The following ERBB4 variants were observed in gnomAD, a reference collection of about 807,000 sequenced individuals.
The protein encoded by ERBB4 is receptor tyrosine-protein kinase erbB-4.
A neutral mutation model predicts 158.0 loss-of-function variants in ERBB4; 42 were observed. That is an observed-to-expected ratio of 0.27 (90% CI 0.21 to 0.34). The LOEUF (loss-of-function observed/expected upper bound fraction) is 0.34. Among genes scored for constraint, ERBB4 ranks in the 10% least tolerant of loss-of-function variants. The probability of loss-of-function intolerance (pLI) is 1.00; values close to 1 mark genes in which losing one functional copy is unlikely to be tolerated. For synonymous variants in ERBB4, 583 were observed against 558.7 expected, an observed-to-expected ratio of 1.04 and a Z score of -0.61; for missense variants, 1,333 against 1,624.1, an observed-to-expected ratio of 0.82 and a Z score of 3.08.
intron 2 of ERBB4, among the ~76,000 whole-genome samples, chr2:212,012,969 C>A (rs1183763561): frequency 6.6e-6 from 1 of 151,884 alleles, no homozygotes; most frequent in Non-Finnish European, 1.5e-5. Flanking sequence ...GGTCTCCAAG[C>A]CCTGGGCTCA....
chr2:212,167,630 T>G (rs1031389827), intron 1 of ERBB4, among the ~76,000 whole-genome samples: 2 of 152,098 alleles, frequency 1.3e-5, no homozygotes, highest in Non-Finnish European at 2.9e-5. Context: ...ACTGTAAAGA[T>G]GCATGCATGC....
At chr2:212,349,164 A>G (rs2089144194) in intron 1 of ERBB4, among the ~76,000 whole-genome samples, 1 of 152,132 alleles carries the variant, frequency 6.6e-6, no homozygotes, top group Admixed American at 6.6e-5. Context: ...ATTTTTTAGA[A>G]TAGAAGAGTT....
intron 1 of ERBB4, among the ~76,000 whole-genome samples, chr2:212,513,811 C>CAAAA (rs1228489280): frequency 6.9e-6 from 1 of 144,526 alleles, no homozygotes; most frequent in African/African-American, 2.9e-5. Flanking sequence ...GACTCCGTCT[C>CAAAA]AAAAAATAAA....
intron 1 of ERBB4, among the ~76,000 whole-genome samples, chr2:212,195,816 C>T (rs1256693411): frequency 6.6e-6 from 1 of 151,970 alleles, no homozygotes; most frequent in Non-Finnish European, 1.5e-5. Context: ...TTAAACAGAC[C>T]AGAACCAAGG....
At chr2:211,833,202 T>C (rs976601455) in intron 3 of ERBB4, among the ~76,000 whole-genome samples, 1 of 152,128 alleles carries the variant, frequency 6.6e-6, no homozygotes, top group East Asian at 1.9e-4. Flanking sequence ...AAGTATCATA[T>C]GGTTTTTCAA....
chr2:212,076,604 G>C (rs756925630), intron 2 of ERBB4, among the ~76,000 whole-genome samples: 16 of 151,704 alleles, frequency 1.1e-4, no homozygotes, highest in Non-Finnish European at 2.2e-4. Context: ...TTTTAAAAAG[G>C]AAGTGCAATA....
chr2:212,344,548 C>A (rs368432991), intron 1 of ERBB4, among the ~76,000 whole-genome samples: 1 of 151,400 alleles, frequency 6.6e-6, no homozygotes, highest in South Asian at 2.1e-4. Context: ...ACACACATAG[C>A]GAAGTATAAG....
chr2:211,513,377 CAAAAA>C (rs1167274491), intron 20 of ERBB4, among the ~76,000 whole-genome samples: 17 of 55,800 alleles, frequency 3.0e-4, no homozygotes, highest in South Asian at 1.4e-3. Flanking sequence ...AAAAAAAAAA[CAAAAA>C]AAAAACACTG....
At chr2:211,543,068 C>A (rs2066854959) in intron 20 of ERBB4, among the ~76,000 whole-genome samples, 1 of 152,052 alleles carries the variant, frequency 6.6e-6, no homozygotes, top group Admixed American at 6.6e-5. Flanking sequence ...TCCAATGTAG[C>A]AATTTCTGTT....
chr2:211,667,085 C>T (rs369366220), intron 14 of ERBB4, among the ~76,000 whole-genome samples: 13 of 145,784 alleles, frequency 8.9e-5, no homozygotes, highest in African/African-American at 3.5e-4. Flanking sequence ...ACTAATGACA[C>T]CTGATGAGCC....
intron 1 of ERBB4, among the ~76,000 whole-genome samples, chr2:212,314,846 C>A (rs957328830): frequency 1.3e-5 from 2 of 151,246 alleles, no homozygotes; most frequent in African/African-American, 4.8e-5. Context: ...AACATTATTT[C>A]TTTCATTACT....
intron 19 of ERBB4, among the ~76,000 whole-genome samples, chr2:211,580,875 A>ATTTAG (rs1559317707): frequency 0.045 from 54 of 1,202 alleles, 2 homozygotes; most frequent in African/African-American, 0.089. Context: ...ACATATATAT[A>ATTTAG]TATATATATA....
intron 2 of ERBB4, among the ~76,000 whole-genome samples, chr2:211,962,853 C>T (rs2081215525): frequency 6.6e-6 from 1 of 152,022 alleles, no homozygotes; most frequent in South Asian, 2.1e-4. Flanking sequence ...TTAAAAAAAC[C>T]AGTATAAGGA....
chr2:212,538,593 G>A lies in ERBB4; in HGVS notation c.-63C>T. On this transcript the variant is annotated 5_prime_UTR_variant, in exon 1 of 28. Coordinates refer to ENST00000342788, the MANE Select transcript of ERBB4 (RefSeq NM_005235.3). ...GTCCAAATGGCATATCCCCCTTTCGGGCACGCGGAGGAGATCCCCCAGCCG... is the reference window on the plus strand; with the variant it reads ...GTCCAAATGGCATATCCCCCTTTCGAGCACGCGGAGGAGATCCCCCAGCCG... 1.3e-6 allele frequency: 2 copies of A among 1,505,276 alleles called. No homozygotes were observed. The allele number at this position is 1,505,276 out of a possible 1,614,324, so 93.2% of individuals were successfully genotyped here. A position where few individuals can be genotyped will look rare whatever the true frequency, so the allele number is the denominator to read the frequency against.
intron 2 of ERBB4, among the ~76,000 whole-genome samples, chr2:212,003,389 G>C (rs1402714): frequency 0.82 from 123,124 of 150,594 alleles, 51,999 homozygotes; most frequent in Non-Finnish European, 0.94. Context: ...GCGTTTTTTC[G>C]TATAACTCAA....
At chr2:212,400,491 T>C (rs1446843890) in intron 1 of ERBB4, among the ~76,000 whole-genome samples, 1 of 152,196 alleles carries the variant, frequency 6.6e-6, no homozygotes, top group African/African-American at 2.4e-5. Context: ...AAATCAGTGA[T>C]CACTAAAATT....
intron 2 of ERBB4, among the ~76,000 whole-genome samples, chr2:212,072,088 T>A (rs1219718870): frequency 6.6e-6 from 1 of 152,004 alleles, no homozygotes; most frequent in Non-Finnish European, 1.5e-5. Flanking sequence ...GCTCCAAATG[T>A]TGCTTTGTCC....
At position 211,598,162 on chromosome 2, in the gene ERBB4, T is replaced by C. The variant is rs576114413; in HGVS notation, c.2301+21015A>G. Among the ~76,000 whole-genome samples the C allele has an allele frequency of 3.3e-5, 5 of 152,120 alleles. No individual in the cohort carries two copies. The South Asian group carries it at 8.3e-4, about 25-fold the overall frequency. ...GCTTTAGACCACGCATCTCTCCACG[T>C]CCTCCTCCTGTCCCCTGTCCTTTCA... is the stretch of plus-strand genomic sequence containing the variant. On this transcript the variant is annotated intron_variant, in intron 19 of 27. Coordinates refer to ENST00000342788, the MANE Select transcript of ERBB4 (RefSeq NM_005235.3).
At chr2:211,925,990 C>T (rs911332640) in intron 3 of ERBB4, among the ~76,000 whole-genome samples, 1 of 152,120 alleles carries the variant, frequency 6.6e-6, no homozygotes. Context: ...TTTCAAGCTT[C>T]ACAGCCTGCT....
Sources: allele counts gnomAD v4.1 joint callset (sites outside exome capture counted in the v4.1 genomes callset), GRCh38; gene constraint gnomAD v4.1.1; transcripts MANE v1.5; gene names NCBI Gene and HGNC (gene_info 2026-07-23, HGNC 2026-07-21).